The following STAU2 variants were observed in gnomAD, a reference collection of about 807,000 sequenced individuals.
STAU2 encodes the protein staufen double-stranded RNA binding protein 2.
Under a neutral mutation model 65.9 loss-of-function variants are expected in STAU2, and 20 were observed. That is an observed-to-expected ratio of 0.30 (90% confidence interval 0.21 to 0.44). The LOEUF is 0.44. STAU2 is among the 20% of genes least tolerant of loss of function. STAU2 has a pLI of 1.00. For missense variants in STAU2, 558 were observed against 683.9 expected, an observed-to-expected ratio of 0.82 and a Z score of 2.05; for synonymous variants, 232 against 233.9, an observed-to-expected ratio of 0.99 and a Z score of 0.07.
At chr8:73,744,230 A>C (rs1425579715) in intron 1 of STAU2, among the ~76,000 whole-genome samples, 1 of 152,176 alleles carries the variant, frequency 6.6e-6, no homozygotes, top group African/African-American at 2.4e-5. Flanking sequence ...AACGATGCAC[A>C]CATAAATAAA....
At chr8:73,598,269 C>G (rs958529144) in intron 10 of STAU2, among the ~76,000 whole-genome samples, 2 of 149,680 alleles carry the variant, frequency 1.3e-5, no homozygotes, top group African/African-American at 2.5e-5. Flanking sequence ...ACTCTGTCAC[C>G]CAGGCTGGAG....
intron 13 of STAU2, among the ~76,000 whole-genome samples, chr8:73,464,270 T>C (rs546930289): frequency 1.3e-5 from 2 of 152,282 alleles, no homozygotes; most frequent in East Asian, 1.9e-4. Context: ...GCTAGCAAAT[T>C]GGTTCTCAGA....
At chr8:73,681,435 T>A (rs958958001) in intron 5 of STAU2, among the ~76,000 whole-genome samples, 1 of 152,112 alleles carries the variant, frequency 6.6e-6, no homozygotes, top group East Asian at 1.9e-4. Context: ...TTTGCCACTA[T>A]CAAGTCAGCA....
intron 13 of STAU2, among the ~76,000 whole-genome samples, chr8:73,485,141 C>CTTTTTTTTT (rs10524978): frequency 1.2e-5 from 1 of 82,824 alleles, no homozygotes; most frequent in Non-Finnish European, 2.1e-5. Flanking sequence ...CATCCTTACT[C>CTTTTTTTTT]TTTTTTTTTT....
At chr8:73,711,884 CTT>C (rs982139808) in intron 3 of STAU2, among the ~76,000 whole-genome samples, 1 of 152,014 alleles carries the variant, frequency 6.6e-6, no homozygotes, top group African/African-American at 2.4e-5. Context: ...AAGTTGATAA[CTT>C]AGGAAATAAT....
chr8:73,486,626 T>C lies in STAU2; in HGVS notation c.1531-63924A>G, dbSNP rs558817139. On this transcript the variant is annotated intron_variant, in intron 13 of 14. Coordinates refer to ENST00000524300, the MANE Select transcript of STAU2 (RefSeq NM_001164380.2). ...AAAATATCCATTATATATATATATA[T>C]ACACATTTATAAGTAAATATATATA... Among the ~76,000 whole-genome samples, 19 of 144,604 alleles carry C rather than the reference T, an allele frequency of 1.3e-4. 1 individual carries two copies. Among genetic ancestry groups the C allele is most frequent in the South Asian group, 6.5e-4 (3 of 4,588 alleles). 94.9% of individuals were successfully genotyped at this position (144,604 alleles called of 152,430 possible).
At chr8:73,485,982 A>G (rs371179220) in intron 13 of STAU2, among the ~76,000 whole-genome samples, 62 of 152,284 alleles carry the variant, frequency 4.1e-4, no homozygotes, top group African/African-American at 1.4e-3. Flanking sequence ...GTGGGGGTCC[A>G]GTAGAGGAAG....
rs77588845 is a variant in STAU2 at position 73,420,729 on chromosome 8, A to G, written c.*643T>C. The stretch of plus-strand genomic sequence containing the variant: ...GTTTCTCAGTTCCTGGAGTATGTTG[A>G]AACTACTTGCTCTTAACATTAGTTC... On this transcript the variant is annotated 3_prime_UTR_variant, in exon 15 of 15. Transcript: ENST00000524300. 5 of 156,540 alleles carry G rather than the reference A, an allele frequency of 3.2e-5. No individual in the cohort carries two copies. Among genetic ancestry groups the G allele is most frequent in the South Asian group, 1.9e-4 (1 of 5,182 alleles). The allele number at this position is 156,540 out of a possible 1,614,324, so 9.7% of individuals were successfully genotyped here.
chr8:73,595,146 C>T lies in STAU2; in HGVS notation c.1161+20G>A, dbSNP rs1811091212. ...GATATTATGACAGATAGGATACATA[C>T]ATGTAAACTTAACTCTTACCTTCTC... On this transcript the variant is annotated intron_variant, in intron 11 of 14. Transcript: ENST00000524300. 1.9e-6 allele frequency: 3 copies of T among 1,580,466 alleles called. No individual in the cohort carries two copies. Among genetic ancestry groups the T allele is most frequent in the African/African-American group, 1.4e-5 (1 of 73,634 alleles).
intron 4 of STAU2, among the ~76,000 whole-genome samples, chr8:73,693,327 T>G (rs1481016306): frequency 6.6e-6 from 1 of 151,830 alleles, no homozygotes; most frequent in Non-Finnish European, 1.5e-5. Context: ...CAAAAAAAAT[T>G]AGCCGGGCGT....
At chr8:73,519,265 A>G (rs1464095387) in intron 13 of STAU2, among the ~76,000 whole-genome samples, 1 of 152,168 alleles carries the variant, frequency 6.6e-6, no homozygotes, top group African/African-American at 2.4e-5. Flanking sequence ...ATCTGTTATT[A>G]TGCAATGTCA....
chr8:73,694,827 C>T (rs956928788), intron 4 of STAU2, among the ~76,000 whole-genome samples: 5 of 152,198 alleles, frequency 3.3e-5, no homozygotes, highest in Admixed American at 6.5e-5. Context: ...GAAAACAGTA[C>T]ATTAAACTCA....
At chr8:73,648,621 C>T (rs1395204054) in intron 6 of STAU2, among the ~76,000 whole-genome samples, 1 of 152,214 alleles carries the variant, frequency 6.6e-6, no homozygotes, top group African/African-American at 2.4e-5. Flanking sequence ...TCCCTTGAAT[C>T]ACCTTACTGC....
chr8:73,462,252 G>T (rs10092929), intron 13 of STAU2, among the ~76,000 whole-genome samples: 1 of 150,946 alleles, frequency 6.6e-6, no homozygotes, highest in Non-Finnish European at 1.5e-5. Flanking sequence ...GCTAATTTTT[G>T]TATTTTTTTT....
chr8:73,458,801 A>G (rs1819201742), intron 13 of STAU2: 1 of 152,244 alleles, frequency 6.6e-6, no homozygotes, highest in African/African-American at 2.4e-5. Context: ...GAACAGGAAG[A>G]AGTTGATGCT....
intron 13 of STAU2, among the ~76,000 whole-genome samples, chr8:73,462,279 A>G (rs867823580): frequency 2.0e-5 from 3 of 151,384 alleles, no homozygotes; most frequent in Middle Eastern, 6.8e-3. Context: ...TTTTTAATAG[A>G]GACAGGGTTT....
rs746938881 is a variant in STAU2, at chr8:73,584,277, T to C, written c.1162-1447A>G. 1.8e-4 allele frequency among the ~76,000 whole-genome samples: 27 copies of C among 152,284 alleles called. 1 individual carries two copies. The highest frequency in any genetic ancestry group is 6.0e-4 in the African/African-American group (25 of 41,558). ...CATCAACATTTACCATCCTGAGAGATTGCTGCTATAACCTTTGACTGCAAA... is the reference window on the plus strand; with the variant it reads ...CATCAACATTTACCATCCTGAGAGACTGCTGCTATAACCTTTGACTGCAAA... On this transcript the variant is annotated intron_variant, in intron 11 of 14. Transcript: ENST00000524300.
intron 6 of STAU2, among the ~76,000 whole-genome samples, chr8:73,664,262 A>C (rs1020352026): frequency 3.9e-5 from 6 of 152,098 alleles, no homozygotes; most frequent in Non-Finnish European, 7.4e-5. Context: ...AAGCTCAAGC[A>C]ATCTGCCCAC....
chr8:73,477,224 C>A (rs1302303574), intron 13 of STAU2, among the ~76,000 whole-genome samples: 1 of 152,052 alleles, frequency 6.6e-6, no homozygotes, highest in Non-Finnish European at 1.5e-5. Context: ...TGGACAGACC[C>A]ATCATTCTTG....
Sources: gnomAD v4.1 joint callset for allele counts (sites outside exome capture counted in the v4.1 genomes callset) on GRCh38, gnomAD v4.1.1 for gene constraint, MANE v1.5 for transcripts, NCBI Gene and HGNC (gene_info 2026-07-23, HGNC 2026-07-21) for gene names.